The following ZNF517 variants were observed in gnomAD, a reference collection of about 807,000 sequenced individuals.
ZNF517 encodes zinc finger protein 517.
A neutral mutation model predicts 12.1 loss-of-function variants in ZNF517; 12 were observed. That is an observed-to-expected ratio of 0.99 (90% CI 0.63 to 1.61). ZNF517 has a LOEUF of 1.61. Among genes scored for constraint, ZNF517 ranks in the 40% most tolerant of loss-of-function variants. The pLI, the probability that ZNF517 is intolerant of heterozygous loss-of-function variation, is 0.00. For missense variants in ZNF517, 781 were observed against 693.2 expected, an observed-to-expected ratio of 1.13 and a Z score of -1.42; for synonymous variants, 388 against 310.2, an observed-to-expected ratio of 1.25 and a Z score of -2.63.
chr8:144,799,085 G>C (rs1354985471), intron 1 of ZNF517, 148 bp downstream of exon 1: 1 of 152,210 alleles, frequency 6.6e-6, no homozygotes, highest in Non-Finnish European at 1.5e-5. Flanking sequence ...GCTCGCCTTG[G>C]GTTCCGAACC....
At chr8:144,803,940 C>T (rs1827097825) in intron 3 of ZNF517, 173 bp downstream of exon 3, 1 of 1,124,004 alleles carries the variant, frequency 8.9e-7, no homozygotes, top group South Asian at 1.6e-5. Flanking sequence ...CGTCAGCCTG[C>T]CTGAGGCTTC....
chr8:144,805,560 G>C (rs2130440829), intron 4 of ZNF517, among the ~76,000 whole-genome samples: 1 of 151,892 alleles, frequency 6.6e-6, no homozygotes, highest in East Asian at 1.9e-4. Flanking sequence ...TCGATCTCCT[G>C]ACCTTGTGAT....
chr8:144,807,164 C>T (rs1418046579), intron 4 of ZNF517, 27 bp from the exon 5 acceptor site: 4 of 1,512,170 alleles, frequency 2.6e-6, no homozygotes, highest in Non-Finnish European at 3.5e-6. Context: ...GCTGGATCAT[C>T]CTTCCGTTTT....
rs1269900938 is a variant in ZNF517, at chr8:144,807,510, C to T, written c.594C>T (p.Ile198=). 6.9e-6 allele frequency: 11 copies of T among 1,592,464 alleles called. No homozygotes were observed. The highest frequency in any genetic ancestry group is 3.4e-5 in the South Asian group (3 of 88,358). Residue 198 remains isoleucine, a synonymous_variant, in exon 5 of 5, where the codon ATC becomes ATT. Coordinates refer to ENST00000359971, the MANE Select transcript of ZNF517 (RefSeq NM_213605.3). Reference sequence around the variant, plus strand: ...CGCTGCTTCTCAGGCACCAGATCATCCACACCGGCGCCAAGCCCTTCCAGT... The same window carrying T: ...CGCTGCTTCTCAGGCACCAGATCATTCACACCGGCGCCAAGCCCTTCCAGT... ...YNSLLLRHQI[I]HTGAKPFQCT... is the part of the protein sequence containing the mutation.
intron 4 of ZNF517, among the ~76,000 whole-genome samples, chr8:144,805,576 G>T (rs1001469221): frequency 6.6e-6 from 1 of 151,270 alleles, no homozygotes; most frequent in African/African-American, 2.4e-5. Context: ...GTGATCCACC[G>T]CCTCGGCCTC....
chr8:144,810,239 C>A (rs1186369067), downstream of ZNF517: 2 of 671,924 alleles, frequency 3.0e-6, no homozygotes, highest in Non-Finnish European at 5.4e-6. Flanking sequence ...ACGGGGAGCA[C>A]CCTGTCACCC....
chr8:144,803,901 T>C, intron 3 of ZNF517, 134 bp downstream of exon 3: 6 of 1,359,760 alleles, frequency 4.4e-6, no homozygotes, highest in Non-Finnish European at 6.0e-6. Context: ...GGAGCCCCTC[T>C]CTGCTTCCTG....
rs1827425769 is a variant in ZNF517 at position 144,808,704 on chromosome 8, A to AG, written c.*314dup. On this transcript the variant is annotated 3_prime_UTR_variant, in exon 5 of 5. Transcript: ENST00000359971. ...GCTCAGTCCCCAAAGAGCAGGGCACAGGGGGCGCCACAGACGCATATGCAG... is the reference window on the plus strand; with the variant it reads ...GCTCAGTCCCCAAAGAGCAGGGCACAGGGGGGCGCCACAGACGCATATGCAG... 1.8e-5 allele frequency: 5 copies of AG among 276,150 alleles called. No individual in the cohort carries two copies. The Admixed American group carries it at 2.1e-4, about 12-fold the overall frequency. 17.1% of individuals were successfully genotyped at this position (276,150 alleles called of 1,614,324 possible).
At chr8:144,810,446 G>T, downstream of ZNF517, 1 of 423,766 alleles carries the variant, frequency 2.4e-6, no homozygotes. Context: ...CCAAGATGGG[G>T]AGGGCTGGAT....
chr8:144,807,858 G>A lies in ZNF517; in HGVS notation c.942G>A (p.Glu314=), dbSNP rs564018117. ...LNEHGRIHSG[E]RPYRCLRCGQ... Reference sequence around the variant, plus strand: ...AGCACGGCCGCATCCACAGCGGGGAGCGGCCCTACCGGTGCCTGCGGTGTG... The same window carrying A: ...AGCACGGCCGCATCCACAGCGGGGAACGGCCCTACCGGTGCCTGCGGTGTG... The change falls in exon 5 of 5, where the codon GAG becomes GAA. Residue 314 remains glutamate, a synonymous_variant. Transcript: ENST00000359971. 7 of 1,588,242 alleles carry A rather than the reference G, an allele frequency of 4.4e-6. No individual in the cohort carries two copies. Among genetic ancestry groups the A allele is most frequent in the South Asian group, 1.1e-5 (1 of 87,338 alleles).
intron 1 of ZNF517, among the ~76,000 whole-genome samples, chr8:144,799,865 G>A (rs1826868776): frequency 1.3e-5 from 2 of 152,178 alleles, no homozygotes; most frequent in South Asian, 2.1e-4. Flanking sequence ...GCGTGAACCC[G>A]GGAGGCGGAG....
chr8:144,808,481 C>T lies in ZNF517; in HGVS notation c.*86C>T, dbSNP rs1186969997. On this transcript the variant is annotated 3_prime_UTR_variant, in exon 5 of 5. Transcript: ENST00000359971. ...GCGCAGAAATTCAGAACCCCCTGTC[C>T]TGAAGGTGAAGCAAAGTCTAAAGAA... 2 of 1,392,090 alleles carry T rather than the reference C, an allele frequency of 1.4e-6. No homozygotes were observed. The highest frequency in any genetic ancestry group is 1.5e-5 in the African/African-American group (1 of 66,386). The allele number at this position is 1,392,090 out of a possible 1,614,324, so 86.2% of individuals were successfully genotyped here. A position where few individuals can be genotyped will look rare whatever the true frequency, so the allele number is the denominator to read the frequency against.
chr8:144,807,789 C>T lies in ZNF517; in HGVS notation c.873C>T (p.Cys291=). 6.2e-7 allele frequency: 1 copy of T among 1,611,924 alleles called. No homozygotes were observed. The highest frequency in any genetic ancestry group is 8.5e-7 in the Non-Finnish European group (1 of 1,179,444). The change falls in exon 5 of 5, where the codon TGC becomes TGT. Residue 291 remains cysteine (C), a synonymous_variant. Coordinates refer to ENST00000359971, the MANE Select transcript of ZNF517 (RefSeq NM_213605.3). ...KFHTGEKPFA[C]TECGKAFCRR... ...ACACCGGGGAGAAGCCCTTCGCGTG[C>T]ACAGAGTGCGGCAAGGCGTTCTGCC...
Position 144,808,296 on chromosome 8 carries a change from C to A in ZNF517, c.1380C>A (p.Ala460=). Residue 460 remains alanine (A), a synonymous_variant, in exon 5 of 5, where the codon GCC becomes GCA. Transcript: ENST00000359971. ...ACCGGTGCCGCGCCTGCGGGAGGGC[C>A]TGCAGCCGGCTGTCCACCCTCATCC... ...RPYRCRACGR[A]CSRLSTLIQH... 1 of 1,540,988 alleles carries A rather than the reference C, an allele frequency of 6.5e-7. No homozygotes were observed.
chr8:144,807,924 C>T lies in ZNF517; in HGVS notation c.1008C>T (p.His336=). The change falls in exon 5 of 5, where the codon CAC becomes CAT. Residue 336 remains histidine, a synonymous_variant. Coordinates refer to ENST00000359971, the MANE Select transcript of ZNF517 (RefSeq NM_213605.3). ...FIRGSSLLKH[H]RLHAQEGAQD... ...GAGGGTCCTCGCTCCTGAAGCACCA[C>T]CGGCTGCACGCGCAGGAGGGTGCCC... 6.6e-7 allele frequency: 1 copy of T among 1,515,922 alleles called. No individual in the cohort carries two copies. Among genetic ancestry groups the T allele is most frequent in the Middle Eastern group, 1.8e-4 (1 of 5,642 alleles). 93.9% of individuals were successfully genotyped at this position (1,515,922 alleles called of 1,614,324 possible). A position where few individuals can be genotyped will look rare whatever the true frequency, so the allele number is the denominator to read the frequency against.
downstream of ZNF517, among the ~76,000 whole-genome samples, chr8:144,812,439 C>G (rs1315284162): frequency 6.8e-6 from 1 of 146,170 alleles, no homozygotes; most frequent in Non-Finnish European, 1.5e-5. Flanking sequence ...GTGGGAGAGA[C>G]ACGGACAGTA....
chr8:144,801,040 G>A (rs1224481117), intron 1 of ZNF517, among the ~76,000 whole-genome samples: 2 of 152,138 alleles, frequency 1.3e-5, no homozygotes, highest in African/African-American at 4.8e-5. Context: ...TGTTGGCCAG[G>A]CTGGTCACGA....
Position 144,803,636 on chromosome 8 carries a change from T to C in ZNF517, c.34-5T>C, listed in dbSNP as rs776493618. 1.2e-6 allele frequency: 2 copies of C among 1,613,996 alleles called. No homozygotes were observed. Among genetic ancestry groups the C allele is most frequent in the South Asian group, 2.2e-5 (2 of 91,084 alleles). On this transcript the variant is annotated splice_region_variant and splice_polypyrimidine_tract_variant and intron_variant, in intron 2 of 4. Transcript: ENST00000359971. Reference sequence around the variant, plus strand: ...CTGCCTGGATAGCAGAGTATGTGGTTGCAGGAGGCGGTTGTGTTCGAGGAT... The same window carrying C: ...CTGCCTGGATAGCAGAGTATGTGGTCGCAGGAGGCGGTTGTGTTCGAGGAT...
intron 1 of ZNF517, 198 bp from the exon 2 acceptor site, chr8:144,802,672 G>A: frequency 1.2e-6 from 1 of 835,262 alleles, no homozygotes; most frequent in African/African-American, 1.8e-5. Flanking sequence ...CAAGGTGAGA[G>A]CCAGAAAACA....
Sources: gnomAD v4.1 joint callset for allele counts (sites outside exome capture counted in the v4.1 genomes callset) on GRCh38, gnomAD v4.1.1 for gene constraint, MANE v1.5 for transcripts, NCBI Gene and HGNC (gene_info 2026-07-23, HGNC 2026-07-21) for gene names.